The following TAFA1 variants were observed in gnomAD, a reference collection of about 807,000 sequenced individuals.
TAFA1 encodes the protein chemokine-like protein TAFA-1.
A neutral mutation model predicts 18.5 loss-of-function variants in TAFA1; 4 were observed. The observed-to-expected ratio is 0.22, with a 90% CI of 0.11 to 0.49. The LOEUF (loss-of-function observed/expected upper bound fraction) is 0.49, where lower values mean the gene tolerates loss of function less well. Among genes scored for constraint, TAFA1 ranks in the 20% least tolerant of loss-of-function variants. The probability of loss-of-function intolerance (pLI) is 0.98; values close to 1 mark genes in which losing one functional copy is unlikely to be tolerated. For missense variants in TAFA1, 147 were observed against 169.0 expected (o/e 0.87, Z 0.72); for synonymous variants, 56 against 55.2 (o/e 1.01, Z -0.06).
intron 2 of TAFA1, among the ~76,000 whole-genome samples, chr3:68,312,087 C>T (rs916635848): frequency 3.3e-5 from 5 of 152,182 alleles, no homozygotes; most frequent in African/African-American, 4.8e-5. Flanking sequence ...CTGAGTTCTA[C>T]GTTGACCCCT....
intron 2 of TAFA1, among the ~76,000 whole-genome samples, chr3:68,368,934 G>C (rs771928135): frequency 7.2e-5 from 11 of 152,170 alleles, no homozygotes; most frequent in Non-Finnish European, 1.2e-4. Context: ...TTCTGGACTA[G>C]TGGATAGTGG....
intron 2 of TAFA1, among the ~76,000 whole-genome samples, chr3:68,263,472 C>CACAG (rs1200759334): frequency 6.6e-6 from 1 of 151,598 alleles, no homozygotes; most frequent in African/African-American, 2.4e-5. Flanking sequence ...CACACACACA[C>CACAG]ACACACACAT....
At chr3:68,132,505 T>C (rs1415351090) in intron 2 of TAFA1, among the ~76,000 whole-genome samples, 1 of 152,170 alleles carries the variant, frequency 6.6e-6, no homozygotes, top group African/African-American at 2.4e-5. Flanking sequence ...CAGAGTAAAG[T>C]GTTCCTATTT....
At chr3:68,499,140 T>G (rs1027925821) in intron 3 of TAFA1, among the ~76,000 whole-genome samples, 1 of 152,188 alleles carries the variant, frequency 6.6e-6, no homozygotes, top group Admixed American at 6.6e-5. Context: ...TTAAAATATC[T>G]TCTGAGATCT....
chr3:68,096,543 C>T (rs1418127815), intron 2 of TAFA1, among the ~76,000 whole-genome samples: 1 of 152,108 alleles, frequency 6.6e-6, no homozygotes, highest in African/African-American at 2.4e-5. Context: ...GTTCTTTCAA[C>T]AATCCTGTAA....
chr3:68,377,489 A>G (rs2069841280), intron 2 of TAFA1, among the ~76,000 whole-genome samples: 1 of 152,162 alleles, frequency 6.6e-6, no homozygotes. Context: ...AGATGATCTG[A>G]AATTGGAATT....
chr3:68,513,256 G>A (rs543234913), intron 3 of TAFA1, among the ~76,000 whole-genome samples: 2 of 152,188 alleles, frequency 1.3e-5, no homozygotes, highest in South Asian at 4.1e-4. Flanking sequence ...TGTGCCAAGT[G>A]ATGGCTAACA....
chr3:68,428,049 G>A (rs894623022), intron 3 of TAFA1, among the ~76,000 whole-genome samples: 3 of 151,894 alleles, frequency 2.0e-5, no homozygotes, highest in African/African-American at 7.2e-5. Flanking sequence ...TATGAAAATG[G>A]ACTAATGCAC....
At chr3:68,000,078 C>T (rs1291688775), upstream of TAFA1, among the ~76,000 whole-genome samples, 1 of 152,178 alleles carries the variant, frequency 6.6e-6, no homozygotes, top group Non-Finnish European at 1.5e-5. Flanking sequence ...CGTGAGCCAC[C>T]GTGCCTGGTC....
chr3:68,036,528 A>T (rs543935445), intron 2 of TAFA1, among the ~76,000 whole-genome samples: 118 of 152,028 alleles, frequency 7.8e-4, no homozygotes, highest in Admixed American at 3.5e-3. Flanking sequence ...GGCATCATTT[A>T]TAAGTTGATT....
At chr3:68,538,220 G>A (rs1293263328) in intron 3 of TAFA1, among the ~76,000 whole-genome samples, 5 of 152,150 alleles carry the variant, frequency 3.3e-5, no homozygotes, top group Non-Finnish European at 7.4e-5. Flanking sequence ...AGGAATAATT[G>A]GAAAAGTTAC....
intron 2 of TAFA1, among the ~76,000 whole-genome samples, chr3:68,107,252 T>C (rs1383918195): frequency 6.6e-6 from 1 of 152,116 alleles, no homozygotes; most frequent in Non-Finnish European, 1.5e-5. Flanking sequence ...AACTATTAAA[T>C]GTCTACCAGT....
chr3:68,383,028 C>T (rs2070009434), intron 2 of TAFA1, among the ~76,000 whole-genome samples: 1 of 152,098 alleles, frequency 6.6e-6, no homozygotes, highest in South Asian at 2.1e-4. Flanking sequence ...TATAGGAATG[C>T]TAGTGATTTT....
At chr3:68,120,161 CTCTT>C (rs147060146) in intron 2 of TAFA1, among the ~76,000 whole-genome samples, 3,097 of 141,324 alleles carry the variant, frequency 0.022, 217 homozygotes, top group African/African-American at 0.082. Context: ...TTCTTTCTTT[CTCTT>C]TCTTTCTCTT....
At chr3:68,013,241 G>C (rs1704506567) in intron 2 of TAFA1, among the ~76,000 whole-genome samples, 1 of 152,182 alleles carries the variant, frequency 6.6e-6, no homozygotes, top group African/African-American at 2.4e-5. Context: ...GTTACTACTT[G>C]TGTGTGAGTG....
chr3:68,236,564 A>C (rs1359608066), intron 2 of TAFA1, among the ~76,000 whole-genome samples: 1 of 152,360 alleles, frequency 6.6e-6, no homozygotes, highest in East Asian at 1.9e-4. Context: ...GACGTTCGCT[A>C]ACCAACTGCA....
At chr3:68,507,296 A>G (rs2072774665) in intron 3 of TAFA1, among the ~76,000 whole-genome samples, 1 of 152,132 alleles carries the variant, frequency 6.6e-6, no homozygotes, top group Non-Finnish European at 1.5e-5. Flanking sequence ...AACATAGACT[A>G]ATGGAGAACC....
At chr3:68,383,114 G>C (rs986519009) in intron 2 of TAFA1, among the ~76,000 whole-genome samples, 1 of 152,128 alleles carries the variant, frequency 6.6e-6, no homozygotes, top group Non-Finnish European at 1.5e-5. Flanking sequence ...TGAGACTATA[G>C]GGTTTTCTAG....
intron 3 of TAFA1, among the ~76,000 whole-genome samples, chr3:68,480,637 T>C (rs918769157): frequency 6.6e-5 from 10 of 152,198 alleles, no homozygotes; most frequent in Non-Finnish European, 1.3e-4. Context: ...TCCTTCTTTT[T>C]AGATTATAAA....
Sources: allele counts gnomAD v4.1 joint callset (sites outside exome capture counted in the v4.1 genomes callset), GRCh38; gene constraint gnomAD v4.1.1; transcripts MANE v1.5; gene names NCBI Gene and HGNC (gene_info 2026-07-23, HGNC 2026-07-21).